DCAF17: variants seen among roughly 807,000 people sequenced by gnomAD.
DCAF17 encodes the protein DDB1 and CUL4 associated factor 17, also known as DDB1- and CUL4-associated factor 17.
DCAF17 carries 48 observed loss-of-function variants against 66.0 expected under a neutral mutation model. The ratio of observed to expected loss-of-function variants is 0.73; its 90% confidence interval spans 0.58 to 0.92. The LOEUF (loss-of-function observed/expected upper bound fraction) is 0.92. Ranked by LOEUF, DCAF17 falls within the 40% of genes least tolerant of loss-of-function variation. DCAF17 has a pLI of 0.00. For synonymous variants in DCAF17, 206 were observed against 214.6 expected (o/e 0.96, Z 0.35); for missense variants, 562 against 622.8 (o/e 0.90, Z 1.04).
chr2:171,474,080 TTAGCTTGTTGTTGGGTGCTTCC>T lies in DCAF17; in HGVS notation c.1091+107_1091+128del, dbSNP rs558823030. 1.5e-3 allele frequency: 1,361 copies of T among 922,490 alleles called. 4 individuals carry two copies. Among genetic ancestry groups the T allele is most frequent in the Non-Finnish European group, 2.1e-3 (1,201 of 574,008 alleles). 57.1% of individuals were successfully genotyped at this position (922,490 alleles called of 1,614,324 possible). A position where few individuals can be genotyped will look rare whatever the true frequency, so the allele number is the denominator to read the frequency against. On this transcript the variant is annotated intron_variant, in intron 10 of 13. Transcript: ENST00000375255. Reference sequence around the variant, plus strand: ...CTAGTGAGCCAATTAATGGAAATAATTAGCTTGTTGTTGGGTGCTTCCTCAGAGACTGGCATACAGAACACCT... The same window carrying T: ...CTAGTGAGCCAATTAATGGAAATAATTCAGAGACTGGCATACAGAACACCT...
At chr2:171,469,533 A>G (rs1308157462) in intron 9 of DCAF17, among the ~76,000 whole-genome samples, 1 of 152,232 alleles carries the variant, frequency 6.6e-6, no homozygotes, top group East Asian at 1.9e-4. Flanking sequence ...GGTACGTGGT[A>G]AAACAATGGA....
At chr2:171,450,266 A>G (rs1694871109) in intron 5 of DCAF17, among the ~76,000 whole-genome samples, 1 of 152,190 alleles carries the variant, frequency 6.6e-6, no homozygotes, top group Non-Finnish European at 1.5e-5. Flanking sequence ...ATGAAACACT[A>G]CACATTGGGT....
intron 8 of DCAF17, 106 bp downstream of exon 8, chr2:171,458,583 T>A: frequency 1.1e-6 from 1 of 909,024 alleles, no homozygotes; most frequent in Non-Finnish European, 1.7e-6. Context: ...TTTAAAAAAC[T>A]CAATTCATTT....
At chr2:171,471,642 G>A (rs1014891914) in intron 9 of DCAF17, among the ~76,000 whole-genome samples, 6 of 151,972 alleles carry the variant, frequency 3.9e-5, no homozygotes, top group African/African-American at 1.2e-4. Context: ...GATATAATTA[G>A]GATTCTTGTA....
At chr2:171,459,376 T>C (rs998754497) in intron 8 of DCAF17, among the ~76,000 whole-genome samples, 4 of 152,150 alleles carry the variant, frequency 2.6e-5, no homozygotes, top group African/African-American at 4.8e-5. Flanking sequence ...AAGAAATAGA[T>C]CATGACTGTT....
At chr2:171,472,471 C>G (rs1696300088) in intron 9 of DCAF17, among the ~76,000 whole-genome samples, 1 of 152,142 alleles carries the variant, frequency 6.6e-6, no homozygotes, top group Admixed American at 6.6e-5. Flanking sequence ...AAGCCACTGC[C>G]CCCGGCCGAT....
In DCAF17 at chr2:171,478,010, A is replaced by G. The variant is rs753962914; in HGVS notation, c.1206A>G (p.Thr402=). 1 of 1,613,944 alleles carries G rather than the reference A, an allele frequency of 6.2e-7. No homozygotes were observed. The highest frequency in any genetic ancestry group is 1.1e-5 in the South Asian group (1 of 91,084). ...AGAATGAAAATGTACTCACTGTTACAGCTTCTGGACGGGTGGTAAAAAAAA... is the reference window on the plus strand; with the variant it reads ...AGAATGAAAATGTACTCACTGTTACGGCTTCTGGACGGGTGGTAAAAAAAA... ...NHKNENVLTV[T]ASGRVVKKSF... Residue 402 remains threonine, a synonymous_variant, in exon 12 of 14, where the codon ACA becomes ACG. Coordinates refer to ENST00000375255, the MANE Select transcript of DCAF17 (RefSeq NM_025000.4).
intron 8 of DCAF17, among the ~76,000 whole-genome samples, chr2:171,463,286 A>T (rs1695704701): frequency 6.6e-6 from 1 of 151,202 alleles, no homozygotes; most frequent in East Asian, 1.9e-4. Context: ...AATTTCCAGG[A>T]TGTGTACTAT....
intron 8 of DCAF17, among the ~76,000 whole-genome samples, chr2:171,464,091 C>T (rs1487197423): frequency 6.6e-6 from 1 of 152,196 alleles, no homozygotes; most frequent in Non-Finnish European, 1.5e-5. Context: ...CATTTTGACA[C>T]ACTCCAGTAA....
intron 2 of DCAF17, among the ~76,000 whole-genome samples, chr2:171,440,632 G>A (rs921587256): frequency 6.6e-6 from 1 of 152,190 alleles, no homozygotes; most frequent in African/African-American, 2.4e-5. Flanking sequence ...GGCCTTTAGA[G>A]TGAGATTTTA....
intron 13 of DCAF17, 134 bp from the exon 14 acceptor site, chr2:171,480,840 A>G: frequency 1.8e-6 from 2 of 1,102,536 alleles, no homozygotes; most frequent in South Asian, 1.4e-5. Flanking sequence ...ATGAAAAATA[A>G]ACCTCTTTCT....
At chr2:171,464,734 A>G (rs1695796187) in intron 8 of DCAF17, among the ~76,000 whole-genome samples, 1 of 152,184 alleles carries the variant, frequency 6.6e-6, no homozygotes, top group Non-Finnish European at 1.5e-5. Context: ...AAATACATTA[A>G]AACAAAAATT....
intron 5 of DCAF17, among the ~76,000 whole-genome samples, 195 bp from the exon 6 acceptor site, chr2:171,452,929 G>A (rs1695036777): frequency 6.6e-6 from 1 of 152,176 alleles, no homozygotes; most frequent in South Asian, 2.1e-4. Context: ...AAGGGCTGAA[G>A]CTTTAGTGGA....
At position 171,476,772 on chromosome 2, in the gene DCAF17, T is replaced by C; in HGVS notation, c.1092-88T>C. 3.5e-6 allele frequency: 3 copies of C among 867,050 alleles called. No homozygotes were observed. The Admixed American group carries it at 5.8e-5, about 17-fold the overall frequency. 53.7% of individuals were successfully genotyped at this position (867,050 alleles called of 1,614,324 possible). On this transcript the variant is annotated intron_variant, in intron 10 of 13. Transcript: ENST00000375255. ...ACCTCAGTGTTACTATAATTTTTAT[T>C]TGTTGAGTTTTACTTCAGTACTTAA... is the stretch of plus-strand genomic sequence containing the variant.
rs1696846229 is a variant in DCAF17 at position 171,483,886 on chromosome 2, C to A, written c.*2772C>A. ...CATAACCAGATTTGTTCGGCATGAA[C>A]TTGTGCCAAATTTCCTCCAAAGTTC... is the stretch of plus-strand genomic sequence containing the variant. On this transcript the variant is annotated 3_prime_UTR_variant, in exon 14 of 14. Transcript: ENST00000375255. 2.2e-6 allele frequency: 1 copy of A among 453,918 alleles called. No individual in the cohort carries two copies. Among genetic ancestry groups the A allele is most frequent in the Admixed American group, 2.4e-5 (1 of 42,530 alleles). 28.1% of individuals were successfully genotyped at this position (453,918 alleles called of 1,614,324 possible).
intron 3 of DCAF17, chr2:171,447,594 C>T (rs1694707818): frequency 6.2e-6 from 1 of 162,204 alleles, no homozygotes. Flanking sequence ...GATCTCCTGA[C>T]ATCGTGATCC....
chr2:171,478,220 C>G (rs1271739455), intron 12 of DCAF17, 150 bp downstream of exon 12: 1 of 688,696 alleles, frequency 1.5e-6, no homozygotes, highest in African/African-American at 1.8e-5. Flanking sequence ...CTATTTCAAC[C>G]AGTGCAAACC....
chr2:171,483,172 A>G lies in DCAF17; in HGVS notation c.*2058A>G. On this transcript the variant is annotated 3_prime_UTR_variant, in exon 14 of 14. Transcript: ENST00000375255. ...CGAGAGACAATGAAGCATGCTTCCC[A>G]GCTCGCCAGAGTGTCACACAGCTGC... 1 of 454,110 alleles carries G rather than the reference A, an allele frequency of 2.2e-6. No individual in the cohort carries two copies. The highest frequency in any genetic ancestry group is 4.4e-6 in the Non-Finnish European group (1 of 226,784). The allele number at this position is 454,110 out of a possible 1,614,324, so 28.1% of individuals were successfully genotyped here.
rs1003882174 is a variant in DCAF17 at position 171,448,673 on chromosome 2, T to G, written c.322-8T>G. ...GTTTCATTTTTATATCTCTCTTTTTTTTTTTAGGGAGATATACTTCCCAAT... is the reference window on the plus strand; with the variant it reads ...GTTTCATTTTTATATCTCTCTTTTTGTTTTTAGGGAGATATACTTCCCAAT... On this transcript the variant is annotated splice_polypyrimidine_tract_variant and splice_region_variant and intron_variant, in intron 3 of 13. Transcript: ENST00000375255. 2.2e-5 allele frequency: 34 copies of G among 1,555,662 alleles called. No individual in the cohort carries two copies. Among genetic ancestry groups the G allele is most frequent in the Non-Finnish European group, 2.8e-5 (32 of 1,154,776 alleles).
Sources: gnomAD v4.1 joint callset for allele counts (sites outside exome capture counted in the v4.1 genomes callset) on GRCh38, gnomAD v4.1.1 for gene constraint, MANE v1.5 for transcripts, NCBI Gene and HGNC (gene_info 2026-07-23, HGNC 2026-07-21) for gene names.